The following DDHD1 variants were observed in gnomAD, a reference collection of about 807,000 sequenced individuals.
DDHD1 encodes DDHD domain containing 1.
In DDHD1, 49 loss-of-function variants were observed where a neutral mutation model predicts 96.4. The observed-to-expected ratio is 0.51, with a 90% CI of 0.40 to 0.64. DDHD1 has a LOEUF of 0.64. Among genes scored for constraint, DDHD1 ranks in the 30% least tolerant of loss-of-function variants. DDHD1 has a pLI of 0.00. For synonymous variants in DDHD1, 442 were observed against 446.5 expected (o/e 0.99, Z 0.13); for missense variants, 1,106 against 1,161.2 (o/e 0.95, Z 0.69).
At chr14:53,058,385 G>T in intron 9 of DDHD1, 92 bp downstream of exon 9, 1 of 1,419,826 alleles carries the variant, frequency 7.0e-7, no homozygotes, top group Non-Finnish European at 9.5e-7. Context: ...AAAGTGCTGG[G>T]ATTACAAGCG....
chr14:53,140,444 T>A (rs141249022), intron 1 of DDHD1, among the ~76,000 whole-genome samples: 1 of 152,114 alleles, frequency 6.6e-6, no homozygotes, highest in Non-Finnish European at 1.5e-5. Context: ...GACAGGAGAA[T>A]TGCTTGAACC....
Position 53,072,601 on chromosome 14 carries a change from T to A in DDHD1, c.1499A>T (p.Asp500Val). 1 of 1,522,808 alleles carries A rather than the reference T, an allele frequency of 6.6e-7. No homozygotes were observed. 94.3% of individuals were successfully genotyped at this position (1,522,808 alleles called of 1,614,324 possible). Residue 500 changes from aspartate (D) to valine (V), a missense_variant, in exon 6 of 13, where the codon GAT (aspartate) becomes GTT (valine). Physicochemically the swap from Asp to Val is radical, Grantham distance 152. Around this residue, in one of 2 missense-constraint regions of DDHD1, gnomAD observed 650 missense variants for 758.8 expected, o/e 0.86. Coordinates refer to ENST00000673822, the MANE Select transcript of DDHD1 (RefSeq NM_001160148.2). ...IMYYTSPLYR[D>V]ELVKGLQQEL... Reference sequence around the variant, plus strand: ...CAAGATAATCATGACACTTACTTCATCTCTATAAAGTGGACTAGTATAATA... The same window carrying A: ...CAAGATAATCATGACACTTACTTCAACTCTATAAAGTGGACTAGTATAATA...
chr14:53,142,902 C>A (rs945257572), intron 1 of DDHD1, among the ~76,000 whole-genome samples: 2 of 152,144 alleles, frequency 1.3e-5, no homozygotes, highest in African/African-American at 4.8e-5. Context: ...CAAGAATATG[C>A]CAAGTGAGGA....
In DDHD1 at chr14:53,055,842, T is replaced by C. The variant is rs151150383; in HGVS notation, c.2063A>G (p.Asn688Ser). The change falls in exon 10 of 13, where the codon AAT (asparagine) becomes AGT (serine). Residue 688 changes from asparagine to serine, a missense_variant. Asn to Ser is a conservative substitution (Grantham distance 46, BLOSUM62 1). Around this residue, in one of 2 missense-constraint regions of DDHD1, gnomAD observed 650 missense variants for 758.8 expected, o/e 0.86. Transcript: ENST00000673822. ...TTCATAAGGTAAAGGATTTGAAGTA[T>C]TGTACCAGTGGATCTGGACAGGTGA... ...NISPVQIHWY[N>S]TSNPLPYEHM... The C allele has an allele frequency of 5.6e-6, 9 of 1,613,894 alleles. No individual in the cohort carries two copies. The highest frequency in any genetic ancestry group is 7.6e-6 in the Non-Finnish European group (9 of 1,179,808).
At chr14:53,103,030 C>G in intron 2 of DDHD1, 1 of 1,567,390 alleles carries the variant, frequency 6.4e-7, no homozygotes, top group East Asian at 2.3e-5. Flanking sequence ...GTTATACTCA[C>G]CAGAATAGTT....
intron 9 of DDHD1, among the ~76,000 whole-genome samples, chr14:53,057,003 C>T (rs1010191015): frequency 2.0e-5 from 3 of 152,108 alleles, no homozygotes; most frequent in African/African-American, 7.2e-5. Context: ...TCCTAACAAT[C>T]CTAGAAGGCA....
intron 1 of DDHD1, 51 bp from the exon 2 acceptor site, chr14:53,103,907 C>A: frequency 1.4e-6 from 2 of 1,476,690 alleles, no homozygotes; most frequent in Admixed American, 2.4e-5. Flanking sequence ...TCAACTTCCC[C>A]AAAAGAGACA....
chr14:53,115,390 C>G (rs921401353), intron 1 of DDHD1, among the ~76,000 whole-genome samples: 43 of 152,152 alleles, frequency 2.8e-4, no homozygotes, highest in African/African-American at 1.0e-3. Context: ...CACTAAGATA[C>G]TGCTCAAGAA....
chr14:53,091,455 A>T (rs17126113), intron 4 of DDHD1, among the ~76,000 whole-genome samples: 27,435 of 152,190 alleles, frequency 0.18, 2,649 homozygotes, highest in East Asian at 0.33. Context: ...TAGTTTCTGA[A>T]GTTCAGAGAG....
chr14:53,072,595 A>G lies in DDHD1; in HGVS notation c.1503+2T>C. 1 of 1,500,166 alleles carries G rather than the reference A, an allele frequency of 6.7e-7. No individual in the cohort carries two copies. The highest frequency in any genetic ancestry group is 9.0e-7 in the Non-Finnish European group (1 of 1,106,286). The allele number at this position is 1,500,166 out of a possible 1,614,324, so 92.9% of individuals were successfully genotyped here. A position where few individuals can be genotyped will look rare whatever the true frequency, so the allele number is the denominator to read the frequency against. On this transcript the variant is annotated splice_donor_variant, in intron 6 of 12. Coordinates refer to ENST00000673822, the MANE Select transcript of DDHD1 (RefSeq NM_001160148.2). LOFTEE classifies it high-confidence loss of function. The stretch of plus-strand genomic sequence containing the variant: ...CACCAGCAAGATAATCATGACACTT[A>G]CTTCATCTCTATAAAGTGGACTAGT...
intron 7 of DDHD1, 109 bp downstream of exon 7, chr14:53,062,834 C>T (rs1883705483): frequency 8.4e-7 from 1 of 1,190,408 alleles, no homozygotes; most frequent in South Asian, 1.6e-5. Context: ...ATCTTTGTAT[C>T]TTGAACAATG....
intron 1 of DDHD1, 139 bp downstream of exon 1, chr14:53,152,121 CT>C: frequency 1.2e-5 from 10 of 854,910 alleles, no homozygotes; most frequent in South Asian, 4.4e-5. Context: ...ACGCTCCCTG[CT>C]CAATCTCCAT....
At chr14:53,073,946 C>T (rs1468931025) in intron 4 of DDHD1, 99 bp from the exon 5 acceptor site, 1 of 1,053,286 alleles carries the variant, frequency 9.5e-7, no homozygotes, top group African/African-American at 1.6e-5. Context: ...ATAACACTTC[C>T]ATTTGCTTAT....
chr14:53,090,201 A>G (rs996844672), intron 4 of DDHD1, among the ~76,000 whole-genome samples: 9 of 152,146 alleles, frequency 5.9e-5, no homozygotes. Flanking sequence ...TTAGAATGGC[A>G]ATCATTAAAA....
At chr14:53,131,123 T>A (rs1442429915) in intron 1 of DDHD1, among the ~76,000 whole-genome samples, 1 of 152,212 alleles carries the variant, frequency 6.6e-6, no homozygotes, top group African/African-American at 2.4e-5. Flanking sequence ...CCTTTTTTAG[T>A]TACCCTCACC....
intron 1 of DDHD1, among the ~76,000 whole-genome samples, chr14:53,109,088 G>A (rs1887914539): frequency 6.6e-6 from 1 of 152,172 alleles, no homozygotes; most frequent in South Asian, 2.1e-4. Context: ...CGGTGTTACG[G>A]TGGAGTTGTT....
chr14:53,118,287 G>A (rs1169766073), intron 1 of DDHD1, among the ~76,000 whole-genome samples: 1 of 152,212 alleles, frequency 6.6e-6, no homozygotes, highest in South Asian at 2.1e-4. Flanking sequence ...TCACCAGCAA[G>A]GGAACAAAAC....
intron 1 of DDHD1, among the ~76,000 whole-genome samples, chr14:53,131,756 C>G (rs1307599580): frequency 6.6e-6 from 1 of 152,086 alleles, no homozygotes; most frequent in Non-Finnish European, 1.5e-5. Flanking sequence ...TTTTGATAAC[C>G]TTCTACTTTA....
intron 1 of DDHD1, among the ~76,000 whole-genome samples, chr14:53,144,710 G>A (rs1407355009): frequency 6.6e-6 from 1 of 152,232 alleles, no homozygotes; most frequent in Non-Finnish European, 1.5e-5. Flanking sequence ...GAGAATAACA[G>A]ACTCAGCCAA....
Sources: gnomAD v4.1 joint callset for allele counts (sites outside exome capture counted in the v4.1 genomes callset) on GRCh38, gnomAD v4.1.1 for gene constraint, gnomAD v4.1.1 regional missense constraint, MANE v1.5 for transcripts, NCBI Gene and HGNC (gene_info 2026-07-23, HGNC 2026-07-21) for gene names.